Variants in VWA8 observed in about 807,000 individuals in gnomAD.
VWA8 encodes the protein von Willebrand factor A domain containing 8, also known as von Willebrand factor A domain-containing protein 8.
VWA8 carries 221 observed loss-of-function variants against 241.5 expected under a neutral mutation model. The observed-to-expected ratio is 0.91, with a 90% CI of 0.82 to 1.02. VWA8 has a LOEUF of 1.02. Ranked by LOEUF, VWA8 falls within the 50% of genes least tolerant of loss-of-function variation. The pLI is 0.00. For synonymous variants in VWA8, 852 were observed against 827.1 expected, an observed-to-expected ratio of 1.03 and a Z score of -0.52; for missense variants, 2,322 against 2,328.7, an observed-to-expected ratio of 1.00 and a Z score of 0.06.
chr13:41,675,003 C>T (rs1271932205), intron 36 of VWA8, among the ~76,000 whole-genome samples: 1 of 151,858 alleles, frequency 6.6e-6, no homozygotes, highest in Non-Finnish European at 1.5e-5. Flanking sequence ...TGACTTATAC[C>T]TATGTAACAC....
chr13:41,585,437 G>T (rs1228463477), intron 42 of VWA8, among the ~76,000 whole-genome samples: 2 of 151,758 alleles, frequency 1.3e-5, no homozygotes, highest in Non-Finnish European at 2.9e-5. Flanking sequence ...AAACTTGGGA[G>T]TATTTCACAT....
At chr13:41,750,477 A>G (rs1359968428) in intron 21 of VWA8, among the ~76,000 whole-genome samples, 2 of 124,764 alleles carry the variant, frequency 1.6e-5, no homozygotes, top group Admixed American at 8.6e-5. Context: ...AAACAAAAAA[A>G]AAAGGAAAAA....
At chr13:41,755,988 T>G (rs577751877) in intron 21 of VWA8, among the ~76,000 whole-genome samples, 1 of 151,890 alleles carries the variant, frequency 6.6e-6, no homozygotes, top group Admixed American at 6.6e-5. Context: ...TCAGAAATTA[T>G]TGAAATAGAA....
intron 40 of VWA8, among the ~76,000 whole-genome samples, chr13:41,592,949 G>A (rs2044466055): frequency 6.6e-6 from 1 of 152,194 alleles, no homozygotes. Context: ...GGTGAGCCGT[G>A]TTAGCTGGTA....
intron 14 of VWA8, among the ~76,000 whole-genome samples, chr13:41,822,850 A>G (rs1871018989): frequency 6.6e-6 from 1 of 152,192 alleles, no homozygotes; most frequent in African/African-American, 2.4e-5. Flanking sequence ...GAAACCAGAC[A>G]AAAAAGAGCA....
intron 17 of VWA8, among the ~76,000 whole-genome samples, chr13:41,810,279 T>C (rs1200247051): frequency 6.6e-6 from 1 of 152,114 alleles, no homozygotes; most frequent in Non-Finnish European, 1.5e-5. Flanking sequence ...GCCCGGTATA[T>C]GCCCAACAGA....
intron 40 of VWA8, among the ~76,000 whole-genome samples, chr13:41,595,151 T>G (rs2044479804): frequency 6.6e-6 from 1 of 152,236 alleles, no homozygotes; most frequent in African/African-American, 2.4e-5. Context: ...GCAAAACATG[T>G]AACTCTCAGT....
At chr13:41,684,096 C>T (rs975505791) in intron 35 of VWA8, among the ~76,000 whole-genome samples, 1 of 152,082 alleles carries the variant, frequency 6.6e-6, no homozygotes, top group Non-Finnish European at 1.5e-5. Context: ...ATATTCCTAT[C>T]TTATTATACT....
chr13:41,709,768 TCTC>T (rs1298027309), intron 26 of VWA8, among the ~76,000 whole-genome samples: 7 of 135,774 alleles, frequency 5.2e-5, no homozygotes, highest in East Asian at 2.2e-4. Context: ...TCTGTCTCTC[TCTC>T]TTTTTTTTTT....
chr13:41,599,078 G>A (rs961871983), intron 40 of VWA8, among the ~76,000 whole-genome samples: 5 of 152,060 alleles, frequency 3.3e-5, no homozygotes, highest in African/African-American at 1.2e-4. Context: ...TTCATGTACT[G>A]TTCTATTTGT....
chr13:41,687,439 G>A (rs2045144174), intron 34 of VWA8, among the ~76,000 whole-genome samples: 1 of 152,104 alleles, frequency 6.6e-6, no homozygotes, highest in African/African-American at 2.4e-5. Context: ...CTATGAAAAA[G>A]TTAATAAGAG....
chr13:41,955,102 T>A (rs532149333), intron 1 of VWA8, among the ~76,000 whole-genome samples: 1 of 152,322 alleles, frequency 6.6e-6, no homozygotes, highest in South Asian at 2.1e-4. Flanking sequence ...GTATTGTTTT[T>A]AAGCTGTAAT....
intron 37 of VWA8, among the ~76,000 whole-genome samples, chr13:41,623,634 T>C (rs1283792516): frequency 6.6e-6 from 1 of 152,158 alleles, no homozygotes; most frequent in Admixed American, 6.5e-5. Flanking sequence ...ATCTTCTTGA[T>C]TGATTAACAG....
At chr13:41,713,541 G>A (rs1020376939) in intron 26 of VWA8, among the ~76,000 whole-genome samples, 3 of 152,094 alleles carry the variant, frequency 2.0e-5, no homozygotes, top group African/African-American at 7.2e-5. Flanking sequence ...CATAACAACA[G>A]GAAATCTGAG....
At chr13:41,794,168 G>A (rs768522276) in intron 17 of VWA8, among the ~76,000 whole-genome samples, 30 of 151,568 alleles carry the variant, frequency 2.0e-4, no homozygotes, top group Non-Finnish European at 4.0e-4. Context: ...TCCTAATTCT[G>A]TGAAGAAAGT....
chr13:41,739,568 T>A (rs1018761338), intron 21 of VWA8, among the ~76,000 whole-genome samples: 1 of 152,198 alleles, frequency 6.6e-6, no homozygotes, highest in Non-Finnish European at 1.5e-5. Context: ...TCTAGCTTTA[T>A]GTTTATCAGA....
chr13:41,574,666 T>C (rs982000763), intron 43 of VWA8, among the ~76,000 whole-genome samples: 10 of 152,298 alleles, frequency 6.6e-5, no homozygotes, highest in African/African-American at 2.4e-4. Flanking sequence ...TACAGGGCTT[T>C]AAATTATACT....
At chr13:41,593,247 AT>A (rs1251401075) in intron 40 of VWA8, among the ~76,000 whole-genome samples, 2 of 152,198 alleles carry the variant, frequency 1.3e-5, no homozygotes, top group Non-Finnish European at 2.9e-5. Flanking sequence ...ATACCAATAG[AT>A]TAATGCAAAC....
chr13:41,732,168 C>A lies in VWA8; in HGVS notation c.2427-13G>T, dbSNP rs768771792. 1.9e-6 allele frequency: 3 copies of A among 1,601,776 alleles called. No individual in the cohort carries two copies. In the Admixed American group the frequency reaches 5.1e-5, roughly 27 times the overall value. On this transcript the variant is annotated splice_polypyrimidine_tract_variant and intron_variant, in intron 21 of 44. Coordinates refer to ENST00000379310, the MANE Select transcript of VWA8 (RefSeq NM_015058.2). ...TACTGTGGTATCCCTAAAGTAAAAC[C>A]AACACATTTTATAGTTAGGAAGGAA...
Sources: gnomAD v4.1 joint callset for allele counts (sites outside exome capture counted in the v4.1 genomes callset) on GRCh38, gnomAD v4.1.1 for gene constraint, MANE v1.5 for transcripts, NCBI Gene and HGNC (gene_info 2026-07-23, HGNC 2026-07-21) for gene names.